The following DSCAML1 variants were observed in gnomAD, a reference collection of about 807,000 sequenced individuals.
The protein encoded by DSCAML1 is cell adhesion molecule DSCAML1.
Under a neutral mutation model 200.5 loss-of-function variants are expected in DSCAML1, and 38 were observed. That is an observed-to-expected ratio of 0.19 (90% CI 0.15 to 0.25). The LOEUF (loss-of-function observed/expected upper bound fraction) is 0.25. Ranked by LOEUF, DSCAML1 falls within the 10% of genes least tolerant of loss-of-function variation. DSCAML1 has a pLI of 1.00. For synonymous variants in DSCAML1, 1,215 were observed against 1,165.0 expected (o/e 1.04, Z -0.87); for missense variants, 2,223 against 2,858.8 (o/e 0.78, Z 5.07).
chr11:117,643,030 G>A (rs1431593144), intron 3 of DSCAML1, among the ~76,000 whole-genome samples: 4 of 152,172 alleles, frequency 2.6e-5, no homozygotes, highest in Non-Finnish European at 5.9e-5. Context: ...AGGGATTTCA[G>A]ACTTTGCCTC....
intron 3 of DSCAML1, among the ~76,000 whole-genome samples, chr11:117,566,294 T>C (rs984229476): frequency 6.6e-6 from 1 of 151,836 alleles, no homozygotes; most frequent in Non-Finnish European, 1.5e-5. Context: ...TTTCAAACCC[T>C]ACATCCTTTC....
intron 3 of DSCAML1, among the ~76,000 whole-genome samples, chr11:117,617,122 GAGA>G (rs1686963798): frequency 6.6e-6 from 1 of 152,218 alleles, no homozygotes; most frequent in Non-Finnish European, 1.5e-5. Context: ...GATGTTTGCA[GAGA>G]AGAAGATGGG....
chr11:117,737,423 C>T (rs943694164), intron 3 of DSCAML1, among the ~76,000 whole-genome samples: 2 of 152,130 alleles, frequency 1.3e-5, no homozygotes, highest in African/African-American at 4.8e-5. Flanking sequence ...TGCCAGGTGC[C>T]GCCTGCTCCC....
chr11:117,592,282 G>A (rs570641088), intron 3 of DSCAML1, among the ~76,000 whole-genome samples: 12 of 152,266 alleles, frequency 7.9e-5, no homozygotes, highest in South Asian at 6.2e-4. Context: ...AGGCCGGCTC[G>A]GCAAGGACTG....
chr11:117,744,019 C>G (rs954321280), intron 3 of DSCAML1, among the ~76,000 whole-genome samples: 22 of 152,330 alleles, frequency 1.4e-4, no homozygotes, highest in Admixed American at 1.4e-3. Flanking sequence ...TATTGCAGAG[C>G]TGGATGGGGT....
chr11:117,457,844 G>A (rs139547414), intron 19 of DSCAML1, among the ~76,000 whole-genome samples: 1,754 of 152,278 alleles, frequency 0.012, 20 homozygotes, highest in Non-Finnish European at 0.017. Flanking sequence ...CATATCCCTC[G>A]AAAAAACTAA....
At chr11:117,745,843 A>C (rs1342967609) in intron 3 of DSCAML1, among the ~76,000 whole-genome samples, 1 of 152,148 alleles carries the variant, frequency 6.6e-6, no homozygotes, top group African/African-American at 2.4e-5. Context: ...TGTAACATGG[A>C]GATAATAATA....
At chr11:117,554,604 T>G (rs1234155544) in intron 3 of DSCAML1, among the ~76,000 whole-genome samples, 1 of 152,170 alleles carries the variant, frequency 6.6e-6, no homozygotes, top group African/African-American at 2.4e-5. Context: ...CTCGAACTCC[T>G]GACCTCAAGT....
chr11:117,695,309 CTTTT>C (rs1220241169), intron 3 of DSCAML1, among the ~76,000 whole-genome samples: 24 of 122,644 alleles, frequency 2.0e-4, no homozygotes, highest in Non-Finnish European at 3.1e-4. Context: ...TTCTTTCTTT[CTTTT>C]TCTTTTTTTT....
chr11:117,729,237 A>G (rs2054180089), intron 3 of DSCAML1, among the ~76,000 whole-genome samples: 1 of 152,244 alleles, frequency 6.6e-6, no homozygotes, highest in Non-Finnish European at 1.5e-5. Flanking sequence ...ACGGAGCTGG[A>G]CCCACTACCT....
intron 1 of DSCAML1, among the ~76,000 whole-genome samples, chr11:117,803,356 A>T (rs946077301): frequency 9.9e-5 from 15 of 152,166 alleles, no homozygotes; most frequent in African/African-American, 2.9e-4. Flanking sequence ...AACGTAAAAA[A>T]ATTTTTTTTA....
intron 1 of DSCAML1, among the ~76,000 whole-genome samples, chr11:117,809,616 C>T (rs895289585): frequency 6.6e-6 from 1 of 152,220 alleles, no homozygotes; most frequent in Non-Finnish European, 1.5e-5. Context: ...AAGCCGGAGG[C>T]TGGGCTCACT....
At chr11:117,801,878 A>G (rs567260340), upstream of DSCAML1, 4 of 152,370 alleles carry the variant, frequency 2.6e-5, no homozygotes. Context: ...AGTCCCCTGA[A>G]TAACTGTGGC....
intron 3 of DSCAML1, among the ~76,000 whole-genome samples, chr11:117,701,714 A>G (rs1480722910): frequency 6.6e-6 from 1 of 152,310 alleles, no homozygotes; most frequent in South Asian, 2.1e-4. Flanking sequence ...GCTGCTGGGC[A>G]TAGGCTTCCT....
chr11:117,546,516 C>A (rs1408849522), intron 3 of DSCAML1, among the ~76,000 whole-genome samples: 1 of 152,192 alleles, frequency 6.6e-6, no homozygotes, highest in Admixed American at 6.5e-5. Context: ...GCCATTCCCA[C>A]CAACTCCTAA....
chr11:117,590,267 C>T (rs891549557), intron 3 of DSCAML1, among the ~76,000 whole-genome samples: 18 of 151,928 alleles, frequency 1.2e-4, no homozygotes, highest in Middle Eastern at 3.4e-3. Context: ...AGACTCACTG[C>T]GGCCTTGACT....
intron 8 of DSCAML1, among the ~76,000 whole-genome samples, chr11:117,512,669 CACACACACACACACACAT>C (rs750994129): frequency 0.22 from 32,003 of 144,350 alleles, 3,603 homozygotes; most frequent in Non-Finnish European, 0.27. Flanking sequence ...CACACACACA[CACACACACACACACACAT>C]GCCTGCTATG....
chr11:117,593,806 G>T (rs2051308425), intron 3 of DSCAML1, among the ~76,000 whole-genome samples: 1 of 151,380 alleles, frequency 6.6e-6, no homozygotes, highest in Non-Finnish European at 1.5e-5. Context: ...CTGCCTCCTG[G>T]GTTCATGCCA....
At chr11:117,511,778 G>A (rs2049623221) in intron 8 of DSCAML1, among the ~76,000 whole-genome samples, 1 of 152,240 alleles carries the variant, frequency 6.6e-6, no homozygotes, top group Non-Finnish European at 1.5e-5. Flanking sequence ...TTACGGGAGG[G>A]CCCTGGTGGA....
Sources: gnomAD v4.1 joint callset for allele counts (sites outside exome capture counted in the v4.1 genomes callset) on GRCh38, gnomAD v4.1.1 for gene constraint, MANE v1.5 for transcripts, NCBI Gene and HGNC (gene_info 2026-07-23, HGNC 2026-07-21) for gene names.